Variants in ALK observed in about 807,000 individuals in gnomAD.
ALK encodes the protein ALK receptor tyrosine kinase.
A neutral mutation model predicts 163.1 loss-of-function variants in ALK; 74 were observed. The ratio of observed to expected loss-of-function variants is 0.45; its 90% confidence interval spans 0.38 to 0.55. The LOEUF is 0.55. ALK is among the 20% of genes least tolerant of loss of function. The pLI is 0.00. For synonymous variants in ALK, 960 were observed against 843.2 expected (o/e 1.14, Z -2.40); for missense variants, 2,063 against 2,105.3 (o/e 0.98, Z 0.39).
chr2:29,479,307 C>T (rs141799627), intron 4 of ALK, among the ~76,000 whole-genome samples: 80 of 152,324 alleles, frequency 5.3e-4, no homozygotes, highest in African/African-American at 1.7e-3. Flanking sequence ...CAACCACAGC[C>T]TCAGTCTTTC....
chr2:29,656,852 C>CCTA (rs1677199065), intron 3 of ALK, among the ~76,000 whole-genome samples: 1 of 152,152 alleles, frequency 6.6e-6, no homozygotes, highest in Non-Finnish European at 1.5e-5. Flanking sequence ...CATTCTCCAT[C>CCTA]CTACTACTCC....
chr2:29,694,214 A>G (rs1031325322), intron 3 of ALK, among the ~76,000 whole-genome samples: 5 of 152,176 alleles, frequency 3.3e-5, no homozygotes, highest in Admixed American at 6.5e-5. Flanking sequence ...CTCTGAGCCT[A>G]CCTTTCCTAG....
intron 1 of ALK, among the ~76,000 whole-genome samples, chr2:29,910,285 G>GTGAA (rs140057088): frequency 0.03 from 4,546 of 151,932 alleles, 225 homozygotes; most frequent in African/African-American, 0.1. Flanking sequence ...AGAAAAGAGG[G>GTGAA]TGAACTTCAA....
chr2:29,791,265 T>C (rs1664179026), intron 1 of ALK, among the ~76,000 whole-genome samples: 1 of 151,968 alleles, frequency 6.6e-6, no homozygotes, highest in Non-Finnish European at 1.5e-5. Context: ...ATAAAGAAAA[T>C]GTGGCACATA....
intron 3 of ALK, among the ~76,000 whole-genome samples, chr2:29,654,656 T>C (rs1375318590): frequency 2.6e-5 from 4 of 152,158 alleles, no homozygotes; most frequent in Non-Finnish European, 2.9e-5. Context: ...GTTTTGAAGA[T>C]GGAAATTTTA....
At chr2:29,693,467 A>G (rs1463220148) in intron 3 of ALK, among the ~76,000 whole-genome samples, 1 of 151,220 alleles carries the variant, frequency 6.6e-6, no homozygotes, top group East Asian at 1.9e-4. Context: ...TACAATACCT[A>G]TCACCATCCA....
At chr2:29,683,954 G>A (rs1401530764) in intron 3 of ALK, among the ~76,000 whole-genome samples, 1 of 152,172 alleles carries the variant, frequency 6.6e-6, no homozygotes, top group African/African-American at 2.4e-5. Context: ...GAGGTAAAAT[G>A]ACCCCCAGAT....
intron 1 of ALK, among the ~76,000 whole-genome samples, chr2:29,860,998 C>A (rs943503000): frequency 2.6e-5 from 4 of 152,038 alleles, no homozygotes; most frequent in Admixed American, 6.6e-5. Flanking sequence ...TAGTAAGACC[C>A]TATCTCTACA....
At chr2:29,831,234 A>G (rs374399851) in intron 1 of ALK, among the ~76,000 whole-genome samples, 1 of 88,194 alleles carries the variant, frequency 1.1e-5, no homozygotes, top group Non-Finnish European at 2.2e-5. Context: ...GAAGAAGAAG[A>G]GGAAGAAGAA....
intron 4 of ALK, among the ~76,000 whole-genome samples, chr2:29,412,646 A>G (rs140334401): frequency 9.8e-5 from 15 of 152,322 alleles, no homozygotes; most frequent in Non-Finnish European, 1.8e-4. Context: ...TCACATCAGC[A>G]TATGCAGAGT....
chr2:29,768,471 A>G (rs971824626), intron 1 of ALK, among the ~76,000 whole-genome samples: 1 of 152,228 alleles, frequency 6.6e-6, no homozygotes, highest in African/African-American at 2.4e-5. Context: ...ACTAATTTCC[A>G]TATGTCAGAA....
At chr2:29,612,292 G>A (rs150977178) in intron 3 of ALK, among the ~76,000 whole-genome samples, 3 of 152,276 alleles carry the variant, frequency 2.0e-5, no homozygotes, top group African/African-American at 4.8e-5. Flanking sequence ...TAATTTGCAC[G>A]TCTTCCCCTC....
chr2:29,363,091 C>A (rs1453732150), intron 5 of ALK, among the ~76,000 whole-genome samples: 1 of 152,190 alleles, frequency 6.6e-6, no homozygotes, highest in African/African-American at 2.4e-5. Context: ...TTTGTACTTG[C>A]CTCTTCCTCT....
intron 1 of ALK, among the ~76,000 whole-genome samples, chr2:29,806,861 A>G (rs13031669): frequency 0.13 from 20,513 of 152,234 alleles, 1,699 homozygotes; most frequent in South Asian, 0.21. Context: ...CTTAGGTTAG[A>G]TGGTGGTAAG....
At chr2:29,224,485 A>C (rs149764412) in intron 19 of ALK, 1 of 228,782 alleles carries the variant, frequency 4.4e-6, no homozygotes. Context: ...GTGAGTGACC[A>C]TTATCACTCC....
intron 6 of ALK, 84 bp from the exon 7 acceptor site, chr2:29,320,966 T>C: frequency 6.5e-7 from 1 of 1,541,114 alleles, no homozygotes; most frequent in Non-Finnish European, 9.0e-7. Flanking sequence ...TAGCCAGGCA[T>C]GACCAAATTA....
rs1260080836 is a variant in ALK at position 29,227,822 on chromosome 2, C to T, written c.2816-150G>A. On this transcript the variant is annotated intron_variant, in intron 16 of 28. Transcript: ENST00000389048. This position sits in a 1 kb window ranked among gnomAD's most constrained non-coding sequence, Gnocchi z 4.4. ...GGGATGCGGGGAGGGAAGGGAGGCT[C>T]AGGGCACAGAGGCTGCATGTGGGAT... 3 of 664,784 alleles carry T rather than the reference C, an allele frequency of 4.5e-6. No individual in the cohort carries two copies. Among genetic ancestry groups the T allele is most frequent in the Non-Finnish European group, 8.2e-6 (3 of 367,282 alleles). 41.2% of individuals were successfully genotyped at this position (664,784 alleles called of 1,614,324 possible).
At chr2:29,702,282 C>A (rs992421318) in intron 2 of ALK, among the ~76,000 whole-genome samples, 2 of 152,124 alleles carry the variant, frequency 1.3e-5, no homozygotes, top group Non-Finnish European at 2.9e-5. Flanking sequence ...TCTCGATATT[C>A]TAAATGGCCA....
chr2:29,462,498 G>A (rs923859774), intron 4 of ALK, among the ~76,000 whole-genome samples: 1 of 152,130 alleles, frequency 6.6e-6, no homozygotes, highest in Non-Finnish European at 1.5e-5. Flanking sequence ...GACCTGCCAC[G>A]AGCTAAGAGA....
Sources: gnomAD v4.1 joint callset for allele counts (sites outside exome capture counted in the v4.1 genomes callset) on GRCh38, gnomAD v4.1.1 for gene constraint, Gnocchi (gnomAD v3.1) non-coding constraint, MANE v1.5 for transcripts, NCBI Gene and HGNC (gene_info 2026-07-23, HGNC 2026-07-21) for gene names.